CA4: variants seen among roughly 807,000 people sequenced by gnomAD.
The protein encoded by CA4 is CA-IV.
A neutral mutation model predicts 34.5 loss-of-function variants in CA4; 24 were observed. The observed-to-expected ratio is 0.70, with a 90% CI of 0.50 to 0.98. The LOEUF (loss-of-function observed/expected upper bound fraction) is 0.98, where lower values mean the gene tolerates loss of function less well. Among genes scored for constraint, CA4 ranks in the 50% least tolerant of loss-of-function variants. CA4 has a pLI of 0.00. For missense variants in CA4, 394 were observed against 396.7 expected, an observed-to-expected ratio of 0.99 and a Z score of 0.06; for synonymous variants, 178 against 170.6, an observed-to-expected ratio of 1.04 and a Z score of -0.34.
At chr17:60,175,411 A>G (rs181985931), downstream of CA4, among the ~76,000 whole-genome samples, 2 of 151,612 alleles carry the variant, frequency 1.3e-5, no homozygotes, top group African/African-American at 4.8e-5. Flanking sequence ...TCTACAAAAA[A>G]TACAAAAATT....
chr17:60,156,921 G>C (rs1177112419), intron 3 of CA4: 8 of 628,454 alleles, frequency 1.3e-5, no homozygotes, highest in Admixed American at 2.5e-5. Flanking sequence ...TCTGGGATGT[G>C]GGGGCAGGAA....
At chr17:60,151,671 T>G (rs1159912212) in intron 1 of CA4, 2 of 152,258 alleles carry the variant, frequency 1.3e-5, no homozygotes, top group African/African-American at 4.8e-5. Context: ...ATACCAAGTT[T>G]ATGGGGCTCT....
chr17:60,151,357 G>C (rs28712782), intron 1 of CA4: 26,180 of 152,130 alleles, frequency 0.17, 3,349 homozygotes, highest in African/African-American at 0.37. Flanking sequence ...CTGTCTTAGA[G>C]GGTCGAGGGG....
Position 60,150,112 on chromosome 17 carries a change from C to T in CA4, c.58+20C>T, listed in dbSNP as rs748303071. 2 of 1,585,758 alleles carry T rather than the reference C, an allele frequency of 1.3e-6. No individual in the cohort carries two copies. The highest frequency in any genetic ancestry group is 2.2e-5 in the South Asian group (2 of 89,986). On this transcript the variant is annotated intron_variant, in intron 1 of 7. Coordinates refer to ENST00000300900, the MANE Select transcript of CA4 (RefSeq NM_000717.5). ...GTGCAGGTGAGCTCCCGGGCTCCGG[C>T]CCCAGGTGCCCCTCGGCGGTCCCCT...
the CA4 span, among the ~76,000 whole-genome samples, chr17:60,178,085 A>G: frequency 6.6e-6 from 1 of 152,240 alleles, no homozygotes; most frequent in Admixed American, 6.5e-5. Flanking sequence ...TTTAAAAAAA[A>G]GACAAATATC....
At chr17:60,161,887 G>C (rs562065252), downstream of CA4, among the ~76,000 whole-genome samples, 1 of 152,184 alleles carries the variant, frequency 6.6e-6, no homozygotes, top group Non-Finnish European at 1.5e-5. Context: ...AAAGGATCAG[G>C]GCTCTGAGGT....
chr17:60,171,503 G>A (rs1464987855), downstream of CA4, among the ~76,000 whole-genome samples: 3 of 152,234 alleles, frequency 2.0e-5, no homozygotes, highest in African/African-American at 7.2e-5. Context: ...GGCCCACCCT[G>A]TGGCCATGAT....
At chr17:60,169,262 A>C (rs7224111) in intron 5 of CA4, among the ~76,000 whole-genome samples, 1 of 149,660 alleles carries the variant, frequency 6.7e-6, no homozygotes, top group Non-Finnish European at 1.5e-5. Flanking sequence ...AAAAAAAAAA[A>C]AGCAGCAGCA....
chr17:60,163,303 C>A (rs569794740), downstream of CA4, among the ~76,000 whole-genome samples: 1 of 152,242 alleles, frequency 6.6e-6, no homozygotes, highest in African/African-American at 2.4e-5. Flanking sequence ...CAGCGTGGTG[C>A]AACCCTGAGG....
downstream of CA4, among the ~76,000 whole-genome samples, chr17:60,164,144 TCCTC>T (rs770995303): frequency 5.1e-3 from 755 of 147,112 alleles, 10 homozygotes; most frequent in African/African-American, 0.012. Context: ...TAATCTTCCT[TCCTC>T]CCTCCCTCCC....
chr17:60,159,068 C>T (rs1251196685), intron 7 of CA4, 162 bp from the exon 8 acceptor site: 4 of 695,448 alleles, frequency 5.8e-6, no homozygotes, highest in East Asian at 2.7e-5. Context: ...CATTTACATC[C>T]CCTATTCTTA....
intron 3 of CA4, 92 bp from the exon 4 acceptor site, chr17:60,157,335 A>C: frequency 8.3e-7 from 1 of 1,210,956 alleles, no homozygotes; most frequent in Non-Finnish European, 1.1e-6. Context: ...GGGAGGCAGG[A>C]GACAATGTCC....
chr17:60,172,456 TTA>T (rs1472145390), downstream of CA4, among the ~76,000 whole-genome samples: 4 of 152,210 alleles, frequency 2.6e-5, no homozygotes, highest in African/African-American at 7.2e-5. Flanking sequence ...CTAAAGTTTG[TTA>T]TCAAGAGAAA....
At chr17:60,158,177 C>T (rs2145277801) in intron 6 of CA4, 50 bp downstream of exon 6, 2 of 1,610,638 alleles carry the variant, frequency 1.2e-6, no homozygotes, top group Middle Eastern at 1.7e-4. Context: ...GGGATTCCTC[C>T]CACAAAGGAA....
At chr17:60,157,056 AGGCCCAGGGGCAGCTGGGCTGG>A in intron 3 of CA4, 1 of 514,972 alleles carries the variant, frequency 1.9e-6, no homozygotes, top group Non-Finnish European at 3.5e-6. Flanking sequence ...AGCCCAAGCA[AGGCCCAGGGGCAGCTGGGCTGG>A]GGCCCAAGGG....
chr17:60,157,083 C>CA (rs2083700541), intron 3 of CA4: 2 of 520,472 alleles, frequency 3.8e-6, no homozygotes, highest in African/African-American at 3.8e-5. Flanking sequence ...GGCTGGGGCC[C>CA]AAGGGCAGAT....
downstream of CA4, among the ~76,000 whole-genome samples, chr17:60,159,913 G>A (rs1179557705): frequency 3.9e-5 from 6 of 152,214 alleles, no homozygotes; most frequent in South Asian, 2.1e-4. Context: ...GCAGAGGCAC[G>A]TGAATCACTT....
intron 2 of CA4, 120 bp from the exon 3 acceptor site, chr17:60,156,440 G>T (rs951815360): frequency 4.6e-5 from 46 of 996,306 alleles, no homozygotes; most frequent in Non-Finnish European, 4.3e-5. Context: ...CAGCCTTCAG[G>T]CCACCCCAAA....
intron 1 of CA4, among the ~76,000 whole-genome samples, chr17:60,151,687 A>T (rs1369946919): frequency 6.6e-6 from 1 of 152,162 alleles, no homozygotes; most frequent in East Asian, 1.9e-4. Context: ...GCTCTCCCCC[A>T]AGCCTGGGGC....
Sources: allele counts gnomAD v4.1 joint callset (sites outside exome capture counted in the v4.1 genomes callset), GRCh38; gene constraint gnomAD v4.1.1; transcripts MANE v1.5; gene names NCBI Gene and HGNC (gene_info 2026-07-23, HGNC 2026-07-21).